The following ATXN1 variants were observed in gnomAD, a reference collection of about 807,000 sequenced individuals.
ATXN1 encodes ataxin-1.
In ATXN1, 8 loss-of-function variants were observed where a neutral mutation model predicts 56.4. The ratio of observed to expected loss-of-function variants is 0.14; its 90% CI spans 0.08 to 0.26. The LOEUF is 0.26. Among genes scored for constraint, ATXN1 ranks in the 10% least tolerant of loss-of-function variants. The pLI is 1.00. For missense variants in ATXN1, 987 were observed against 1,106.5 expected (o/e 0.89, Z 1.53); for synonymous variants, 514 against 494.6 (o/e 1.04, Z -0.52).
intron 3 of ATXN1, among the ~76,000 whole-genome samples, chr6:16,651,319 C>T (rs1353678761): frequency 1.3e-5 from 2 of 152,056 alleles, no homozygotes; most frequent in African/African-American, 2.4e-5. Flanking sequence ...CTTAGGCAGG[C>T]GGATCATGAG....
chr6:16,397,599 T>C (rs1056709081), intron 6 of ATXN1, among the ~76,000 whole-genome samples: 5 of 152,168 alleles, frequency 3.3e-5, no homozygotes, highest in Admixed American at 6.5e-5. Flanking sequence ...TCCAACTTTT[T>C]CTTAAGTGAA....
chr6:16,685,318 C>T (rs149741696), intron 2 of ATXN1, among the ~76,000 whole-genome samples: 48 of 152,240 alleles, frequency 3.2e-4, no homozygotes, highest in African/African-American at 1.1e-3. Flanking sequence ...ATCCTCACGC[C>T]ACCACCTCCC....
intron 6 of ATXN1, among the ~76,000 whole-genome samples, chr6:16,416,782 G>A (rs1034775380): frequency 1.3e-5 from 2 of 152,094 alleles, no homozygotes; most frequent in Non-Finnish European, 2.9e-5. Context: ...TGTTACAGCC[G>A]AGCTGGTACA....
chr6:16,677,778 C>T (rs779810430), intron 2 of ATXN1, among the ~76,000 whole-genome samples: 4 of 152,184 alleles, frequency 2.6e-5, no homozygotes, highest in Non-Finnish European at 4.4e-5. Context: ...AGCAAGACAA[C>T]TGATGAAATT....
At chr6:16,323,256 C>T (rs1760719451) in intron 7 of ATXN1, among the ~76,000 whole-genome samples, 1 of 152,202 alleles carries the variant, frequency 6.6e-6, no homozygotes, top group Admixed American at 6.5e-5. Context: ...CGCAGTGGCT[C>T]ACGCCTACAA....
rs1030560310 is a variant in ATXN1, at chr6:16,761,369, T to G, written c.-801A>C. 12 of 456,392 alleles carry G rather than the reference T, an allele frequency of 2.6e-5. No homozygotes were observed. Among genetic ancestry groups the G allele is most frequent in the African/African-American group, 2.2e-4 (11 of 49,996 alleles). 28.3% of individuals were successfully genotyped at this position (456,392 alleles called of 1,614,324 possible). A position where few individuals can be genotyped will look rare whatever the true frequency, so the allele number is the denominator to read the frequency against. On this transcript the variant is annotated 5_prime_UTR_variant, in exon 1 of 8. Transcript: ENST00000436367. ...AGGGAGAGAAACAATGTCTTGCGGCTGCTGTTGCTCTGGCTGCTGCTCCAC... is the reference window on the plus strand; with the variant it reads ...AGGGAGAGAAACAATGTCTTGCGGCGGCTGTTGCTCTGGCTGCTGCTCCAC...
intron 6 of ATXN1, among the ~76,000 whole-genome samples, chr6:16,335,529 C>T (rs1301077541): frequency 1.3e-5 from 2 of 152,146 alleles, no homozygotes; most frequent in South Asian, 2.1e-4. Context: ...GGAGTCCACA[C>T]GAGGGCCTAA....
rs1255742593 is a variant in ATXN1, at chr6:16,399,444, C to A, written c.-160-70974G>T. ...TATGCCGAGGACACCTTAAAGTAAT[C>A]AGGCCGTCAAATAAAGGCAAACACT... On this transcript the variant is annotated intron_variant, in intron 6 of 7. Transcript: ENST00000436367. 3.3e-5 allele frequency among the ~76,000 whole-genome samples: 5 copies of A among 152,208 alleles called. No individual in the cohort carries two copies. The East Asian group carries it at 9.6e-4, about 29-fold the overall frequency.
chr6:16,565,103 T>C (rs750476785), intron 4 of ATXN1, among the ~76,000 whole-genome samples: 5 of 152,220 alleles, frequency 3.3e-5, no homozygotes, highest in African/African-American at 4.8e-5. Context: ...TGCATTCTGT[T>C]TCCCCATATG....
At chr6:16,431,313 G>T (rs183384218) in intron 6 of ATXN1, among the ~76,000 whole-genome samples, 1 of 152,066 alleles carries the variant, frequency 6.6e-6, no homozygotes, top group Non-Finnish European at 1.5e-5. Flanking sequence ...CTGCTGGGGG[G>T]GATGTCTGCC....
chr6:16,429,414 AT>A (rs901619744), intron 6 of ATXN1, among the ~76,000 whole-genome samples: 5 of 122,030 alleles, frequency 4.1e-5, no homozygotes, highest in African/African-American at 1.6e-4. Context: ...GCATCAGAGT[AT>A]TTTTTGTTCG....
At chr6:16,513,389 A>G (rs1181908784) in intron 5 of ATXN1, among the ~76,000 whole-genome samples, 1 of 152,220 alleles carries the variant, frequency 6.6e-6, no homozygotes, top group Non-Finnish European at 1.5e-5. Flanking sequence ...AGTCTCTAGG[A>G]CTAGCAAGAA....
intron 4 of ATXN1, among the ~76,000 whole-genome samples, chr6:16,577,067 TGTG>T (rs1001761420): frequency 2.0e-5 from 3 of 152,298 alleles, no homozygotes; most frequent in Admixed American, 1.3e-4. Context: ...GTCTTCATCA[TGTG>T]GCATGCTACT....
intron 3 of ATXN1, among the ~76,000 whole-genome samples, chr6:16,609,800 C>T (rs1190960652): frequency 6.6e-6 from 1 of 152,034 alleles, no homozygotes; most frequent in African/African-American, 2.4e-5. Context: ...ATATTTACTA[C>T]TGGAAATAGA....
intron 2 of ATXN1, among the ~76,000 whole-genome samples, chr6:16,683,376 AAG>A (rs1269531757): frequency 2.0e-5 from 3 of 152,204 alleles, no homozygotes; most frequent in Non-Finnish European, 2.9e-5. Flanking sequence ...TGTTAGGATA[AAG>A]AGGGCAGTTT....
At chr6:16,508,638 C>T (rs1761023949) in intron 5 of ATXN1, among the ~76,000 whole-genome samples, 1 of 152,108 alleles carries the variant, frequency 6.6e-6, no homozygotes, top group Non-Finnish European at 1.5e-5. Flanking sequence ...TTGGTGAGGA[C>T]ATAGAGAAAC....
At chr6:16,330,349 A>AT (rs1458938452) in intron 6 of ATXN1, among the ~76,000 whole-genome samples, 1 of 130,024 alleles carries the variant, frequency 7.7e-6, no homozygotes, top group African/African-American at 2.9e-5. Context: ...CTTTGTAACT[A>AT]TTTTTTAGAG....
rs1386600589 is a variant in ATXN1, at chr6:16,394,343, AAAAT to A, written c.-160-65877_-160-65874del. 1.3e-5 allele frequency among the ~76,000 whole-genome samples: 2 copies of A among 152,236 alleles called. 1 individual carries two copies. The highest frequency in any genetic ancestry group is 4.8e-5 in the African/African-American group (2 of 41,462). ...GAACCCTTAAGGATAGATAGCCAGA[AAAAT>A]AAATAAATAAATCTCTTCTTGGGAA... On this transcript the variant is annotated intron_variant, in intron 6 of 7. Coordinates refer to ENST00000436367, the MANE Select transcript of ATXN1 (RefSeq NM_001128164.2).
rs541595385 is a variant in ATXN1 at position 16,550,279 on chromosome 6, T to C, written c.-360-27591A>G. ...CTTCCCTCCTGCACCCTCTCAGCTCTGGCAATGTGGCTATCACACAATCTG... is the reference window on the plus strand; with the variant it reads ...CTTCCCTCCTGCACCCTCTCAGCTCCGGCAATGTGGCTATCACACAATCTG... On this transcript the variant is annotated intron_variant, in intron 4 of 7. Coordinates refer to ENST00000436367, the MANE Select transcript of ATXN1 (RefSeq NM_001128164.2). Among the ~76,000 whole-genome samples, 5 of 152,218 alleles carry C rather than the reference T, an allele frequency of 3.3e-5. No homozygotes were observed. The East Asian group carries it at 9.7e-4, about 29-fold the overall frequency.
Sources: allele counts gnomAD v4.1 joint callset (sites outside exome capture counted in the v4.1 genomes callset), GRCh38; gene constraint gnomAD v4.1.1; transcripts MANE v1.5; gene names NCBI Gene and HGNC (gene_info 2026-07-23, HGNC 2026-07-21).